OPN3: variants seen among roughly 807,000 people sequenced by gnomAD.
The protein encoded by OPN3 is opsin 3.
In OPN3, 29 loss-of-function variants were observed where a neutral mutation model predicts 33.8. The ratio of observed to expected loss-of-function variants is 0.86; its 90% CI spans 0.64 to 1.17. OPN3 has a LOEUF of 1.17. OPN3 is among the 50% of genes most tolerant of loss of function. The pLI is 0.00. For missense variants in OPN3, 437 were observed against 514.1 expected (o/e 0.85, Z 1.45); for synonymous variants, 216 against 216.1 (o/e 1.00, Z 0.00).
At chr1:241,606,239 T>A (rs1663826063) in intron 1 of OPN3, among the ~76,000 whole-genome samples, 1 of 152,014 alleles carries the variant, frequency 6.6e-6, no homozygotes, top group Non-Finnish European at 1.5e-5. Flanking sequence ...GCGAGAGGAG[T>A]TAAAAGTAAC....
rs1265474169 is a variant in OPN3, at chr1:241,604,471, A to G, written c.482T>C (p.Ile161Thr). Residue 161 changes from isoleucine (I) to threonine (T), a missense_variant, in exon 2 of 4, where the codon ATC becomes ACC. By Grantham distance (89) the Ile-to-Thr change is moderately conservative. Coordinates refer to ENST00000366554, the MANE Select transcript of OPN3 (RefSeq NM_014322.3). Reference sequence around the variant, plus strand: ...TGCCCACGCCAGTGAGTAGAGCCAGATGTAGGTAATGGCCCTCCAGGCCCA... The same window carrying G: ...TGCCCACGCCAGTGAGTAGAGCCAGGTGTAGGTAATGGCCCTCCAGGCCCA... ...FSWAWRAITY[I>T]WLYSLAWAGA... is the part of the protein sequence containing the mutation. 6.2e-7 allele frequency: 1 copy of G among 1,614,138 alleles called. No individual in the cohort carries two copies.
In OPN3 at chr1:241,640,329, T is replaced by C. The variant is rs1347949013; in HGVS notation, c.-75A>G. 5.5e-6 allele frequency: 6 copies of C among 1,082,882 alleles called. No homozygotes were observed. Among genetic ancestry groups the C allele is most frequent in the South Asian group, 9.0e-5 (2 of 22,250 alleles). 67.1% of individuals were successfully genotyped at this position (1,082,882 alleles called of 1,614,324 possible). A position where few individuals can be genotyped will look rare whatever the true frequency, so the allele number is the denominator to read the frequency against. Reference sequence around the variant, plus strand: ...GGCTCGCGGCGCGCTCCGCACTGGGTGGGGTTGGGGCTCCGCCGCCTGCTC... The same window carrying C: ...GGCTCGCGGCGCGCTCCGCACTGGGCGGGGTTGGGGCTCCGCCGCCTGCTC... On this transcript the variant is annotated 5_prime_UTR_variant, in exon 1 of 4. Transcript: ENST00000366554.
intron 3 of OPN3, 65 bp from the exon 4 acceptor site, chr1:241,594,756 C>T (rs1477510119): frequency 5.8e-6 from 9 of 1,549,978 alleles, no homozygotes; most frequent in Admixed American, 3.9e-5. Context: ...GATTAACATT[C>T]GAGGAAATCA....
intron 2 of OPN3, chr1:241,600,235 T>C (rs1663645631): frequency 6.6e-6 from 1 of 152,240 alleles, no homozygotes; most frequent in Non-Finnish European, 1.5e-5. Context: ...TGACTAATGT[T>C]TTAGATTATT....
chr1:241,615,969 G>A (rs1228809129), intron 1 of OPN3: 1 of 456,592 alleles, frequency 2.2e-6, no homozygotes, highest in Non-Finnish European at 4.4e-6. Context: ...ATCTCATGGA[G>A]CAGAGTTGGA....
At chr1:241,610,124 G>A (rs150532156) in intron 1 of OPN3, among the ~76,000 whole-genome samples, 17 of 152,298 alleles carry the variant, frequency 1.1e-4, no homozygotes, top group Admixed American at 2.0e-4. Flanking sequence ...ATCAAATCTC[G>A]TTGGCATATC....
At chr1:241,605,071 A>AAAAT (rs1663792874) in intron 1 of OPN3, among the ~76,000 whole-genome samples, 5 of 140,738 alleles carry the variant, frequency 3.6e-5, no homozygotes, top group Non-Finnish European at 7.9e-5. Flanking sequence ...AAAAAAAAAT[A>AAAAT]AAATAAAATA....
intron 1 of OPN3, among the ~76,000 whole-genome samples, chr1:241,612,042 G>C (rs1664016089): frequency 6.6e-6 from 1 of 152,126 alleles, no homozygotes; most frequent in Non-Finnish European, 1.5e-5. Flanking sequence ...AGCAAGTCTT[G>C]GGTTACTGGT....
intron 1 of OPN3, among the ~76,000 whole-genome samples, chr1:241,615,426 G>A (rs1664099794): frequency 6.6e-6 from 1 of 151,836 alleles, no homozygotes; most frequent in Non-Finnish European, 1.5e-5. Flanking sequence ...CAAGAAAACT[G>A]CATCAGACTC....
chr1:241,635,701 G>C (rs1488382719), intron 1 of OPN3: 3 of 1,613,886 alleles, frequency 1.9e-6, no homozygotes, highest in Non-Finnish European at 2.5e-6. Context: ...CAGCTGCAAG[G>C]ATGGATTCGG....
chr1:241,624,687 TG>T (rs373228013), intron 1 of OPN3, among the ~76,000 whole-genome samples: 1 of 152,170 alleles, frequency 6.6e-6, no homozygotes, highest in African/African-American at 2.4e-5. Context: ...CTTTAAAAAT[TG>T]AGATAAAACG....
chr1:241,604,610 A>T, intron 1 of OPN3, 31 bp from the exon 2 acceptor site: 1 of 1,585,008 alleles, frequency 6.3e-7, no homozygotes, highest in Non-Finnish European at 8.6e-7. Flanking sequence ...AAAGTATAGC[A>T]TGGTGCAGGG....
chr1:241,629,319 GCTA>G (rs1372123115), intron 1 of OPN3: 2 of 152,082 alleles, frequency 1.3e-5, no homozygotes, highest in Non-Finnish European at 2.9e-5. Context: ...CTCTTAAAAG[GCTA>G]CTAATACACA....
chr1:241,634,299 G>A (rs779959593), intron 1 of OPN3: 7 of 1,613,864 alleles, frequency 4.3e-6, no homozygotes, highest in South Asian at 1.1e-5. Context: ...TCTGTGACCC[G>A]TACAGCACAA....
chr1:241,625,397 T>A (rs1180007239), intron 1 of OPN3, among the ~76,000 whole-genome samples: 2 of 152,196 alleles, frequency 1.3e-5, no homozygotes, highest in Non-Finnish European at 2.9e-5. Context: ...AAAAACAGTA[T>A]GCTAAAATGT....
chr1:241,613,890 C>G (rs987078933), intron 1 of OPN3, among the ~76,000 whole-genome samples: 10 of 152,206 alleles, frequency 6.6e-5, no homozygotes, highest in East Asian at 1.9e-4. Context: ...ATTTCAGGTC[C>G]GGTGTGGTGG....
intron 3 of OPN3, chr1:241,594,906 G>A: frequency 1.8e-6 from 1 of 546,704 alleles, no homozygotes; most frequent in South Asian, 2.4e-5. Flanking sequence ...GAATATGTAG[G>A]ACCATTTCAA....
At chr1:241,597,633 T>G in intron 3 of OPN3, 113 bp downstream of exon 3, 1 of 1,079,764 alleles carries the variant, frequency 9.3e-7, no homozygotes, top group Non-Finnish European at 1.3e-6. Context: ...TCCTAAAAAA[T>G]TCTTGTTTTT....
intron 1 of OPN3, among the ~76,000 whole-genome samples, chr1:241,624,621 C>G (rs540649385): frequency 6.6e-6 from 1 of 152,338 alleles, no homozygotes; most frequent in South Asian, 2.1e-4. Flanking sequence ...CAGAGAGTTA[C>G]TGAGCCTTAT....
Sources: allele counts gnomAD v4.1 joint callset (sites outside exome capture counted in the v4.1 genomes callset), GRCh38; gene constraint gnomAD v4.1.1; transcripts MANE v1.5; gene names NCBI Gene and HGNC (gene_info 2026-07-23, HGNC 2026-07-21).